The following PAK1 variants were observed in gnomAD, a reference collection of about 807,000 sequenced individuals.
The protein encoded by PAK1 is serine/threonine-protein kinase PAK 1.
PAK1 carries 29 observed loss-of-function variants against 67.4 expected under a neutral mutation model. The ratio of observed to expected loss-of-function variants is 0.43; its 90% CI spans 0.32 to 0.59. PAK1 has a LOEUF of 0.59. Ranked by LOEUF, PAK1 falls within the 20% of genes least tolerant of loss-of-function variation. The pLI is 0.07. For missense variants in PAK1, 337 were observed against 670.7 expected (o/e 0.50, Z 5.50); for synonymous variants, 223 against 237.4 (o/e 0.94, Z 0.56).
intron 4 of PAK1, among the ~76,000 whole-genome samples, chr11:77,377,864 C>T (rs184498234): frequency 1.1e-4 from 17 of 152,122 alleles, no homozygotes; most frequent in Admixed American, 1.1e-3. Flanking sequence ...AGCCCTCCAG[C>T]CCAATTCCTC....
chr11:77,490,991 C>T, the PAK1 span, among the ~76,000 whole-genome samples: 32 of 152,052 alleles, frequency 2.1e-4, no homozygotes, highest in African/African-American at 7.5e-4. Flanking sequence ...ACAAACACTG[C>T]GGAAGGCCGA....
At chr11:77,343,766 C>A (rs1377475684) in intron 10 of PAK1, 53 bp downstream of exon 10, 2 of 1,054,908 alleles carry the variant, frequency 1.9e-6, no homozygotes, top group Non-Finnish European at 3.0e-6. Flanking sequence ...ACAGCTTCAC[C>A]ACCAATCAGT....
intron 14 of PAK1, among the ~76,000 whole-genome samples, chr11:77,332,030 TG>T (rs1223130096): frequency 1.3e-5 from 2 of 151,866 alleles, no homozygotes; most frequent in African/African-American, 4.8e-5. Flanking sequence ...AGGCTGGTCA[TG>T]GTGGCCCATG....
chr11:77,356,140 C>T, intron 6 of PAK1: 1 of 228,472 alleles, frequency 4.4e-6, no homozygotes, highest in East Asian at 8.0e-5. Flanking sequence ...ATAAGAATCC[C>T]CTTCATCTGT....
Position 77,368,402 on chromosome 11 carries a change from G to A in PAK1, c.477+5926C>T, listed in dbSNP as rs555316562. Among the ~76,000 whole-genome samples, 7 of 152,260 alleles carry A rather than the reference G, an allele frequency of 4.6e-5. No homozygotes were observed. The South Asian group carries it at 1.5e-3, about 32-fold the overall frequency. On this transcript the variant is annotated intron_variant, in intron 5 of 14. Transcript: ENST00000356341. ...TAAACGTGAGGGTAGCATAGAGAAC[G>A]CCCCATTTTGAGACCTGAAAGGTAT... is the stretch of plus-strand genomic sequence containing the variant.
chr11:77,485,621 G>A, the PAK1 span, among the ~76,000 whole-genome samples: 4 of 152,148 alleles, frequency 2.6e-5, no homozygotes, highest in South Asian at 2.1e-4. Context: ...GATTACAGGC[G>A]TCTGCCACCT....
chr11:77,399,044 T>TAC (rs1297635404), intron 1 of PAK1, among the ~76,000 whole-genome samples: 2 of 152,226 alleles, frequency 1.3e-5, no homozygotes, highest in Admixed American at 6.5e-5. Flanking sequence ...GAAAGGTATG[T>TAC]ACACCTTTTG....
the PAK1 span, among the ~76,000 whole-genome samples, chr11:77,479,734 A>C: frequency 6.8e-6 from 1 of 147,562 alleles, no homozygotes; most frequent in Non-Finnish European, 1.5e-5. Context: ...CAGCCTCCCA[A>C]TTAGCTGGGA....
At chr11:77,523,359 A>G in the PAK1 span, among the ~76,000 whole-genome samples, 1 of 151,994 alleles carries the variant, frequency 6.6e-6, no homozygotes, top group Non-Finnish European at 1.5e-5. Context: ...TTTGGCTAAG[A>G]GTTGTTAATT....
the PAK1 span, among the ~76,000 whole-genome samples, chr11:77,485,871 C>T: frequency 4.6e-5 from 7 of 152,204 alleles, no homozygotes; most frequent in African/African-American, 1.4e-4. Flanking sequence ...AGTGTGTTCT[C>T]GAACATCGGT....
chr11:77,405,670 GACAGACACACAC>G lies in PAK1; in HGVS notation c.-21-13141_-21-13130del, dbSNP rs1488069997. 1.3e-3 allele frequency among the ~76,000 whole-genome samples: 158 copies of G among 125,662 alleles called. 1 individual carries two copies. The Middle Eastern group carries it at 0.038, about 30-fold the overall frequency. 82.4% of individuals were successfully genotyped at this position (125,662 alleles called of 152,430 possible). ...CTATTCAAAGACAGACAGACAGACA[GACAGACACACAC>G]ACACACACACACACACACACACACA... On this transcript the variant is annotated intron_variant, in intron 1 of 14. Coordinates refer to ENST00000356341, the MANE Select transcript of PAK1 (RefSeq NM_002576.5).
the PAK1 span, among the ~76,000 whole-genome samples, chr11:77,490,608 G>A: frequency 2.3e-4 from 35 of 151,812 alleles, no homozygotes; most frequent in Admixed American, 1.2e-3. Context: ...CTGCCCGGCC[G>A]CCACCCCGTC....
intron 14 of PAK1, among the ~76,000 whole-genome samples, chr11:77,327,902 G>C (rs1252069046): frequency 1.3e-5 from 2 of 152,146 alleles, no homozygotes; most frequent in African/African-American, 2.4e-5. Context: ...CTCACGTGCA[G>C]AGACACACAT....
intron 1 of PAK1, among the ~76,000 whole-genome samples, chr11:77,412,588 C>T (rs986140946): frequency 1.3e-5 from 2 of 151,940 alleles, no homozygotes; most frequent in African/African-American, 4.8e-5. Flanking sequence ...GCCACCACAC[C>T]CAGTTATTTT....
At chr11:77,441,590 T>C (rs927950505) in intron 1 of PAK1, among the ~76,000 whole-genome samples, 1 of 152,204 alleles carries the variant, frequency 6.6e-6, no homozygotes, top group Non-Finnish European at 1.5e-5. Flanking sequence ...GAGGCTCCAC[T>C]TCAAAGCCCT....
intron 1 of PAK1, chr11:77,411,909 C>A (rs1431434124): frequency 6.6e-6 from 1 of 152,298 alleles, no homozygotes; most frequent in Admixed American, 6.5e-5. Flanking sequence ...GGGCTCCTGG[C>A]AGCTCAGCCG....
chr11:77,480,038 C>T, the PAK1 span, among the ~76,000 whole-genome samples: 1 of 152,206 alleles, frequency 6.6e-6, no homozygotes, highest in Non-Finnish European at 1.5e-5. Flanking sequence ...AGGACTCTTA[C>T]AGCCAAAAGC....
chr11:77,333,129 G>A (rs898521082), intron 13 of PAK1, among the ~76,000 whole-genome samples: 1 of 150,958 alleles, frequency 6.6e-6, no homozygotes, highest in Non-Finnish European at 1.5e-5. Context: ...ATAAGATAGT[G>A]TATTTGAAAG....
chr11:77,488,921 A>G, the PAK1 span, among the ~76,000 whole-genome samples: 1 of 152,200 alleles, frequency 6.6e-6, no homozygotes, highest in Non-Finnish European at 1.5e-5. Context: ...AACCTAGAAA[A>G]AGATATCAAT....
Sources: allele counts gnomAD v4.1 joint callset (sites outside exome capture counted in the v4.1 genomes callset), GRCh38; gene constraint gnomAD v4.1.1; transcripts MANE v1.5; gene names NCBI Gene and HGNC (gene_info 2026-07-23, HGNC 2026-07-21).